Variants in DCAF8L2 observed in about 807,000 individuals in gnomAD.
DCAF8L2 encodes DDB1- and CUL4-associated factor 8-like protein 2.
For missense variants in DCAF8L2, 430 were observed against 490.7 expected, an observed-to-expected ratio of 0.88 and a Z score of 1.17; for synonymous variants, 200 against 190.9, an observed-to-expected ratio of 1.05 and a Z score of -0.39.
intron 4 of DCAF8L2, among the ~76,000 whole-genome samples, chrX:27,742,253 G>A (rs891342476): frequency 9.0e-6 from 1 of 111,265 alleles, no homozygotes; most frequent in African/African-American, 3.3e-5. Context: ...TGGCACAAGC[G>A]CAGGGTAAAT....
intron 3 of DCAF8L2, among the ~76,000 whole-genome samples, chrX:27,705,005 C>T (rs1394656223): frequency 9.1e-6 from 1 of 110,182 alleles, no homozygotes; most frequent in Non-Finnish European, 1.9e-5. Context: ...TTCTTTCCCT[C>T]CTAGTGTTCA....
At chrX:27,667,760 C>A (rs780699027) in intron 2 of DCAF8L2, among the ~76,000 whole-genome samples, 1 of 112,294 alleles carries the variant, frequency 8.9e-6, no homozygotes, top group Non-Finnish European at 1.9e-5. Flanking sequence ...CTTCTGTGAG[C>A]ATTTTATGTT....
intron 3 of DCAF8L2, among the ~76,000 whole-genome samples, chrX:27,701,987 GA>G (rs1268493815): frequency 9.0e-6 from 1 of 110,992 alleles, no homozygotes; most frequent in Admixed American, 9.6e-5. Flanking sequence ...CAAGAAAAGA[GA>G]AGACTTGTCT....
At chrX:27,532,626 A>G in the DCAF8L2 span, among the ~76,000 whole-genome samples, 1 of 110,922 alleles carries the variant, frequency 9.0e-6, no homozygotes, top group Non-Finnish European at 1.9e-5. Flanking sequence ...AGCCAGGTGC[A>G]GTGGCTTGCA....
At chrX:27,627,001 C>G (rs2147164122) in intron 1 of DCAF8L2, among the ~76,000 whole-genome samples, 1 of 100,450 alleles carries the variant, frequency 1.0e-5, no homozygotes, top group African/African-American at 3.7e-5. Flanking sequence ...AGGGGGAATT[C>G]ACATTTGAAA....
At chrX:27,532,064 T>C in the DCAF8L2 span, among the ~76,000 whole-genome samples, 1 of 72,751 alleles carries the variant, frequency 1.4e-5, no homozygotes, top group African/African-American at 7.0e-5. Context: ...TTGATATCGA[T>C]ATATATATAT....
intron 2 of DCAF8L2, among the ~76,000 whole-genome samples, chrX:27,675,057 T>A (rs1331079529): frequency 8.9e-6 from 1 of 112,127 alleles, no homozygotes; most frequent in African/African-American, 3.2e-5. Flanking sequence ...ATTTTTTTTA[T>A]CATTTAAAGT....
chrX:27,574,240 C>G, the DCAF8L2 span, among the ~76,000 whole-genome samples: 1 of 110,975 alleles, frequency 9.0e-6, no homozygotes, highest in East Asian at 2.8e-4. Flanking sequence ...TGTTACATAT[C>G]GACAGTACAG....
At chrX:27,549,014 A>T in the DCAF8L2 span, among the ~76,000 whole-genome samples, 1 of 111,883 alleles carries the variant, frequency 8.9e-6, no homozygotes, top group Non-Finnish European at 1.9e-5. Context: ...GAAGCGAAAT[A>T]CAAGGCTGTA....
At chrX:27,617,472 G>C (rs1365248499) in intron 1 of DCAF8L2, among the ~76,000 whole-genome samples, 1 of 110,930 alleles carries the variant, frequency 9.0e-6, no homozygotes, top group African/African-American at 3.3e-5. Flanking sequence ...AGTCTTAAAA[G>C]CTATGAAATG....
At chrX:27,592,466 C>T (rs1282440633) in intron 1 of DCAF8L2, among the ~76,000 whole-genome samples, 3 of 91,443 alleles carry the variant, frequency 3.3e-5, no homozygotes, top group Admixed American at 1.4e-4. Context: ...GACAGAGTTT[C>T]GCTCTTGTTG....
At chrX:27,476,911 A>G in the DCAF8L2 span, among the ~76,000 whole-genome samples, 1 of 112,179 alleles carries the variant, frequency 8.9e-6, no homozygotes, top group African/African-American at 3.2e-5. Context: ...ACTGTGTTTT[A>G]TAAGTTGTGA....
chrX:27,489,517 T>C, the DCAF8L2 span, among the ~76,000 whole-genome samples: 12 of 112,797 alleles, frequency 1.1e-4, no homozygotes, highest in African/African-American at 3.9e-4. Flanking sequence ...AGAATTATAT[T>C]CCACTGTATT....
chrX:27,542,517 T>G, the DCAF8L2 span, among the ~76,000 whole-genome samples: 5 of 106,020 alleles, frequency 4.7e-5, no homozygotes, highest in Non-Finnish European at 9.7e-5. Flanking sequence ...AAGTGTCTGT[T>G]CATGTCCTTT....
the DCAF8L2 span, among the ~76,000 whole-genome samples, chrX:27,473,985 A>G: frequency 1.8e-5 from 2 of 111,124 alleles, no homozygotes; most frequent in Non-Finnish European, 3.8e-5. Context: ...GATAAGACAT[A>G]TCCATTCCCT....
At chrX:27,652,840 T>A (rs1263412598) in intron 2 of DCAF8L2, among the ~76,000 whole-genome samples, 1 of 111,855 alleles carries the variant, frequency 8.9e-6, no homozygotes, top group East Asian at 2.8e-4. Flanking sequence ...GAATTCCTGG[T>A]TAAAATACAC....
the DCAF8L2 span, among the ~76,000 whole-genome samples, chrX:27,495,114 T>C: frequency 8.9e-6 from 1 of 111,924 alleles, no homozygotes; most frequent in East Asian, 2.8e-4. Flanking sequence ...TCTATATTCA[T>C]TCTTTGCATA....
At chrX:27,525,323 A>G in the DCAF8L2 span, among the ~76,000 whole-genome samples, 3 of 110,322 alleles carry the variant, frequency 2.7e-5, no homozygotes, top group Non-Finnish European at 5.7e-5. Context: ...TTGGTTTAAA[A>G]CCTGTTTTAT....
rs758324462 is a variant in DCAF8L2 at position 27,703,669 on chromosome X, C to A, written c.-142-12419C>A. ...GCTGGGAGAACTGGATATCCACATG[C>A]AAAAGAATGAAGTTGGACCCTGAAC... On this transcript the variant is annotated intron_variant, in intron 3 of 4. Coordinates refer to ENST00000451261, the MANE Select transcript of DCAF8L2 (RefSeq NM_001353450.2). 2.7e-5 allele frequency among the ~76,000 whole-genome samples: 3 copies of A among 110,718 alleles called. No homozygotes were observed. In the East Asian group the frequency reaches 8.5e-4, roughly 32 times the overall value.
Sources: gnomAD v4.1 joint callset for allele counts (sites outside exome capture counted in the v4.1 genomes callset) on GRCh38, gnomAD v4.1.1 for gene constraint, MANE v1.5 for transcripts, NCBI Gene and HGNC (gene_info 2026-07-23, HGNC 2026-07-21) for gene names.